The following EYS variants were observed in gnomAD, a reference collection of about 807,000 sequenced individuals.
The protein encoded by EYS is EGF-like photoreceptor maintenance factor.
In EYS, 250 loss-of-function variants were observed where a neutral mutation model predicts 282.1. That is an observed-to-expected ratio of 0.89 (90% CI 0.80 to 0.98). EYS has a LOEUF of 0.98. EYS is among the 50% of genes least tolerant of loss of function. The pLI is 0.00. For synonymous variants in EYS, 1,355 were observed against 1,282.9 expected (o/e 1.06, Z -1.20); for missense variants, 4,016 against 3,709.0 (o/e 1.08, Z -2.15).
chr6:65,483,612 C>G (rs1387152180), intron 5 of EYS, among the ~76,000 whole-genome samples: 2 of 151,894 alleles, frequency 1.3e-5, no homozygotes, highest in East Asian at 3.9e-4. Flanking sequence ...GAAAAATGTA[C>G]ATATATTGGT....
At position 65,299,751 on chromosome 6, in the gene EYS, A is replaced by G. The variant is rs186422133; in HGVS notation, c.1767-3632T>C. Among the ~76,000 whole-genome samples, 162 of 152,216 alleles carry G rather than the reference A, an allele frequency of 1.1e-3. 1 individual carries two copies. The highest frequency in any genetic ancestry group is 3.7e-3 in the African/African-American group (152 of 41,528). On this transcript the variant is annotated intron_variant, in intron 11 of 42. Transcript: ENST00000503581. ...TTTAACTATTTTTGTGTTTTCATTTATCTCAATATTTCCAAATAAAATATT... is the reference window on the plus strand; with the variant it reads ...TTTAACTATTTTTGTGTTTTCATTTGTCTCAATATTTCCAAATAAAATATT...
At chr6:63,920,947 C>A (rs7765702) in intron 35 of EYS, among the ~76,000 whole-genome samples, 45,299 of 151,310 alleles carry the variant, frequency 0.3, 6,865 homozygotes, top group Admixed American at 0.38. Flanking sequence ...GGCTGGAGTG[C>A]AGTGGCGCGA....
chr6:65,680,539 A>G (rs1254159032), intron 1 of EYS, among the ~76,000 whole-genome samples: 2 of 151,976 alleles, frequency 1.3e-5, no homozygotes, highest in Non-Finnish European at 2.9e-5. Flanking sequence ...TTGTTTTCTA[A>G]GATTCAAGAA....
intron 19 of EYS, among the ~76,000 whole-genome samples, chr6:64,823,819 T>C (rs1764970860): frequency 6.6e-6 from 1 of 151,950 alleles, no homozygotes. Context: ...ATTACCTACC[T>C]TGCAGCTACT....
chr6:64,682,415 A>C (rs1275693773), intron 22 of EYS, among the ~76,000 whole-genome samples: 3 of 152,162 alleles, frequency 2.0e-5, no homozygotes, highest in African/African-American at 7.2e-5. Flanking sequence ...ATTCACTGGC[A>C]GTGGCACCAG....
intron 3 of EYS, 69 bp from the exon 4 acceptor site, chr6:65,495,676 C>G: frequency 1.9e-6 from 1 of 519,834 alleles, no homozygotes; most frequent in Non-Finnish European, 3.4e-6. Context: ...AAAATGCTAG[C>G]TCTTTTTGTG....
intron 33 of EYS, among the ~76,000 whole-genome samples, chr6:64,003,404 G>C (rs2149805795): frequency 6.6e-6 from 1 of 152,286 alleles, no homozygotes. Flanking sequence ...GGTGACTATA[G>C]TCAATAACAA....
intron 35 of EYS, among the ~76,000 whole-genome samples, chr6:63,900,218 C>A (rs982582542): frequency 3.3e-5 from 5 of 151,906 alleles, no homozygotes; most frequent in Admixed American, 3.3e-4. Flanking sequence ...ATCCTTAGCA[C>A]AGAATAATAA....
intron 2 of EYS, among the ~76,000 whole-genome samples, chr6:65,528,946 A>T (rs976424212): frequency 2.6e-5 from 4 of 152,190 alleles, no homozygotes; most frequent in Non-Finnish European, 5.9e-5. Flanking sequence ...AATTTTCAGA[A>T]ATCTAGAATG....
intron 22 of EYS, among the ~76,000 whole-genome samples, chr6:64,712,977 C>A (rs1771261457): frequency 6.6e-6 from 1 of 152,152 alleles, no homozygotes; most frequent in Non-Finnish European, 1.5e-5. Flanking sequence ...AAATCATCCG[C>A]AACACCACTG....
At chr6:65,010,722 TAGG>T (rs879662790) in intron 13 of EYS, among the ~76,000 whole-genome samples, 3 of 152,102 alleles carry the variant, frequency 2.0e-5, no homozygotes, top group Non-Finnish European at 4.4e-5. Context: ...GCACTAAAAT[TAGG>T]AGAAGGAAAA....
chr6:63,724,996 G>A (rs1207991400), intron 42 of EYS, among the ~76,000 whole-genome samples: 1 of 152,034 alleles, frequency 6.6e-6, no homozygotes, highest in African/African-American at 2.4e-5. Context: ...TTAAATAAAT[G>A]AGAGACTTCA....
intron 32 of EYS, among the ~76,000 whole-genome samples, chr6:64,071,345 G>A (rs1771567243): frequency 6.6e-6 from 1 of 151,796 alleles, no homozygotes. Flanking sequence ...CATGATTCCT[G>A]ACTATACTAA....
At chr6:64,093,286 T>G (rs1235673410) in intron 31 of EYS, among the ~76,000 whole-genome samples, 3 of 152,202 alleles carry the variant, frequency 2.0e-5, no homozygotes, top group Non-Finnish European at 4.4e-5. Flanking sequence ...TCCAATTCTG[T>G]GAAGAAAGTC....
chr6:64,317,575 TTGG>T lies in EYS; in HGVS notation c.6079-10496_6079-10494del, dbSNP rs202173098. Among the ~76,000 whole-genome samples, 276 of 152,252 alleles carry T rather than the reference TTGG, an allele frequency of 1.8e-3. 3 individuals are homozygous for T. The East Asian group carries it at 0.029, about 16-fold the overall frequency. On this transcript the variant is annotated intron_variant, in intron 29 of 42. Coordinates refer to ENST00000503581, the MANE Select transcript of EYS (RefSeq NM_001142800.2). The stretch of plus-strand genomic sequence containing the variant: ...AAAAAATAGAAACGCTTTTACACTG[TTGG>T]TGGGAGTGTACATTAGTTCAACCAT...
At chr6:65,105,662 A>G (rs1240915509) in intron 12 of EYS, among the ~76,000 whole-genome samples, 1 of 151,872 alleles carries the variant, frequency 6.6e-6, no homozygotes, top group Non-Finnish European at 1.5e-5. Flanking sequence ...GGTGCACTAT[A>G]TAAAGGGCAA....
At chr6:65,329,826 T>G in intron 11 of EYS, 11 of 983,068 alleles carry the variant, frequency 1.1e-5, no homozygotes, top group Non-Finnish European at 1.3e-5. Flanking sequence ...TAAAGCTCTA[T>G]TTTTACAAGC....
intron 41 of EYS, among the ~76,000 whole-genome samples, chr6:63,756,621 A>G (rs190473947): frequency 6.1e-4 from 93 of 152,288 alleles, no homozygotes; most frequent in African/African-American, 2.1e-3. Context: ...CTTTGGTATC[A>G]GGATGATGCT....
At chr6:65,699,557 AT>A (rs1267623259) in intron 1 of EYS, among the ~76,000 whole-genome samples, 1 of 152,202 alleles carries the variant, frequency 6.6e-6, no homozygotes, top group East Asian at 1.9e-4. Flanking sequence ...TGACATGAAC[AT>A]GTATAGTAGC....
Sources: allele counts gnomAD v4.1 joint callset (sites outside exome capture counted in the v4.1 genomes callset), GRCh38; gene constraint gnomAD v4.1.1; transcripts MANE v1.5; gene names NCBI Gene and HGNC (gene_info 2026-07-23, HGNC 2026-07-21).